Variants in TNNI3K observed in about 807,000 individuals in gnomAD.
TNNI3K encodes the protein serine/threonine-protein kinase TNNI3K.
TNNI3K carries 140 observed loss-of-function variants against 114.5 expected under a neutral mutation model. That is an observed-to-expected ratio of 1.22 (90% CI 1.07 to 1.41). The LOEUF (loss-of-function observed/expected upper bound fraction) is 1.41, where lower values mean the gene tolerates loss of function less well. Among genes scored for constraint, TNNI3K ranks in the 40% most tolerant of loss-of-function variants. The pLI is 0.00. For synonymous variants in TNNI3K, 347 were observed against 347.5 expected (o/e 1.00, Z 0.02); for missense variants, 1,125 against 1,007.6 (o/e 1.12, Z -1.58).
At chr1:74,408,163 C>T (rs1356035654) in intron 17 of TNNI3K, among the ~76,000 whole-genome samples, 1 of 152,152 alleles carries the variant, frequency 6.6e-6, no homozygotes, top group South Asian at 2.1e-4. Flanking sequence ...TCACATAAAA[C>T]AATCTACCTT....
intron 2 of TNNI3K, among the ~76,000 whole-genome samples, chr1:74,242,291 CA>C (rs1406425076): frequency 6.6e-6 from 1 of 152,026 alleles, no homozygotes; most frequent in Non-Finnish European, 1.5e-5. Flanking sequence ...AAAAAGTGGT[CA>C]AAAGAATGCT....
chr1:74,523,081 G>C (rs910832652), intron 23 of TNNI3K, among the ~76,000 whole-genome samples: 2 of 152,212 alleles, frequency 1.3e-5, no homozygotes, highest in African/African-American at 2.4e-5. Flanking sequence ...TATAGGTTCT[G>C]TCTGATTCCT....
chr1:74,517,705 G>A (rs1476266491), intron 23 of TNNI3K, among the ~76,000 whole-genome samples: 1 of 152,156 alleles, frequency 6.6e-6, no homozygotes, highest in Non-Finnish European at 1.5e-5. Flanking sequence ...TAAAGAGTAC[G>A]ACTGGTAAAC....
chr1:74,390,409 G>A (rs1663702322), intron 17 of TNNI3K, among the ~76,000 whole-genome samples: 1 of 152,072 alleles, frequency 6.6e-6, no homozygotes, highest in South Asian at 2.1e-4. Flanking sequence ...AATTATAAAA[G>A]GTACAGGAGT....
At position 74,315,001 on chromosome 1, in the gene TNNI3K, CCT is replaced by C. The variant is rs575446468; in HGVS notation, c.445-16446_445-16445del. On this transcript the variant is annotated intron_variant, in intron 5 of 24. Transcript: ENST00000326637. ...AAAATCATGAAATGCCTCTACGAAG[CCT>C]CTGTTAATTGTGACCAAAATTCAAG... 1.3e-3 allele frequency among the ~76,000 whole-genome samples: 199 copies of C among 152,196 alleles called. 2 individuals are homozygous for C. Among genetic ancestry groups the C allele is most frequent in the African/African-American group, 4.5e-3 (187 of 41,540 alleles).
chr1:74,483,348 A>G, intron 21 of TNNI3K: 1 of 717,462 alleles, frequency 1.4e-6, no homozygotes, highest in Non-Finnish European at 2.6e-6. Context: ...CAACCGCAAC[A>G]TGATGGCAAA....
chr1:74,498,861 A>AT (rs1427984730), intron 23 of TNNI3K, among the ~76,000 whole-genome samples: 5 of 152,210 alleles, frequency 3.3e-5, no homozygotes, highest in Admixed American at 6.5e-5. Flanking sequence ...TTTAAAAAAA[A>AT]TTTTAATATT....
At chr1:74,415,715 C>A (rs1665083283) in intron 17 of TNNI3K, among the ~76,000 whole-genome samples, 1 of 149,486 alleles carries the variant, frequency 6.7e-6, no homozygotes, top group Non-Finnish European at 1.5e-5. Context: ...TATATCTTTC[C>A]TATATAGACT....
chr1:74,349,763 G>T (rs899131417), intron 9 of TNNI3K, among the ~76,000 whole-genome samples: 1 of 152,126 alleles, frequency 6.6e-6, no homozygotes, highest in East Asian at 1.9e-4. Flanking sequence ...TTGCATAGAG[G>T]TGTTTATAGT....
At chr1:74,263,718 A>G (rs1302496076) in intron 4 of TNNI3K, among the ~76,000 whole-genome samples, 1 of 152,010 alleles carries the variant, frequency 6.6e-6, no homozygotes, top group East Asian at 1.9e-4. Context: ...AGATTGGGCA[A>G]TATTTGAGGA....
chr1:74,461,924 G>T (rs1329901852), intron 20 of TNNI3K, among the ~76,000 whole-genome samples: 3 of 152,088 alleles, frequency 2.0e-5, no homozygotes, highest in Non-Finnish European at 2.9e-5. Flanking sequence ...TAAATGCAGA[G>T]TCATTAAAAT....
At chr1:74,535,186 A>G (rs1366448547) in intron 23 of TNNI3K, among the ~76,000 whole-genome samples, 1 of 152,170 alleles carries the variant, frequency 6.6e-6, no homozygotes, top group Non-Finnish European at 1.5e-5. Flanking sequence ...TGAATGCCTT[A>G]TAAAGAATCA....
chr1:74,486,156 T>C (rs1292922526), intron 21 of TNNI3K, among the ~76,000 whole-genome samples: 1 of 151,016 alleles, frequency 6.6e-6, no homozygotes, highest in East Asian at 2.0e-4. Context: ...ATTTTAATTG[T>C]TTCCTAAAAT....
chr1:74,250,406 T>G (rs1654854061), intron 3 of TNNI3K, among the ~76,000 whole-genome samples: 1 of 152,192 alleles, frequency 6.6e-6, no homozygotes, highest in Non-Finnish European at 1.5e-5. Context: ...GTGTTTATGT[T>G]TCAAAACCAT....
intron 7 of TNNI3K, among the ~76,000 whole-genome samples, chr1:74,340,498 C>T (rs1048945335): frequency 6.6e-6 from 1 of 152,104 alleles, no homozygotes; most frequent in African/African-American, 2.4e-5. Context: ...CGCATAAATT[C>T]TATGTCTGAT....
chr1:74,467,349 C>A (rs1289465824), intron 21 of TNNI3K, among the ~76,000 whole-genome samples: 2 of 152,024 alleles, frequency 1.3e-5, no homozygotes, highest in Non-Finnish European at 2.9e-5. Context: ...TTTTTTCTTG[C>A]ATATCTGTCT....
chr1:74,314,375 T>C (rs1001442491), intron 5 of TNNI3K, among the ~76,000 whole-genome samples: 35 of 152,048 alleles, frequency 2.3e-4, no homozygotes, highest in Non-Finnish European at 5.9e-5. Flanking sequence ...ACAAAGAACA[T>C]TTTGTCAAAA....
chr1:74,532,797 A>G (rs1416566351), intron 23 of TNNI3K, among the ~76,000 whole-genome samples: 1 of 152,090 alleles, frequency 6.6e-6, no homozygotes, highest in Non-Finnish European at 1.5e-5. Context: ...CAAACCTGAG[A>G]AAAACAAGCA....
intron 21 of TNNI3K, chr1:74,480,883 A>G (rs1448181897): frequency 5.6e-6 from 4 of 717,316 alleles, no homozygotes; most frequent in Non-Finnish European, 1.0e-5. Flanking sequence ...GCAGGGCAAG[A>G]TTAAACAAGA....
Sources: allele counts gnomAD v4.1 joint callset (sites outside exome capture counted in the v4.1 genomes callset), GRCh38; gene constraint gnomAD v4.1.1; transcripts MANE v1.5; gene names NCBI Gene and HGNC (gene_info 2026-07-23, HGNC 2026-07-21).